RBM6: variants seen among roughly 807,000 people sequenced by gnomAD.
RBM6 encodes the protein RNA-binding protein 6.
RBM6 carries 23 observed loss-of-function variants against 140.4 expected under a neutral mutation model. The ratio of observed to expected loss-of-function variants is 0.16; its 90% CI spans 0.12 to 0.23. RBM6 has a LOEUF of 0.23. RBM6 is among the 10% of genes least tolerant of loss of function. RBM6 has a pLI of 1.00. For missense variants in RBM6, 1,139 were observed against 1,386.7 expected (o/e 0.82, Z 2.84); for synonymous variants, 439 against 475.6 (o/e 0.92, Z 1.00).
At chr3:49,989,086 A>C (rs1391588734) in intron 5 of RBM6, among the ~76,000 whole-genome samples, 1 of 152,124 alleles carries the variant, frequency 6.6e-6, no homozygotes, top group African/African-American at 2.4e-5. Flanking sequence ...GTGACAGGGT[A>C]GGAAAATCAT....
chr3:50,021,035 A>C (rs574066600), intron 6 of RBM6, among the ~76,000 whole-genome samples: 1 of 152,096 alleles, frequency 6.6e-6, no homozygotes, highest in African/African-American at 2.4e-5. Context: ...ACTGTTACTG[A>C]CTTCTAGTTT....
At chr3:49,966,200 T>C (rs899030524) in intron 2 of RBM6, among the ~76,000 whole-genome samples, 14 of 152,174 alleles carry the variant, frequency 9.2e-5, no homozygotes, top group African/African-American at 3.4e-4. Context: ...CCAGAATCAG[T>C]TGTCCTTTGA....
Position 50,049,102 on chromosome 3 carries a change from G to GTTTA in RBM6, c.1632+803_1632+806dup, listed in dbSNP as rs749733257. On this transcript the variant is annotated intron_variant, in intron 7 of 20. Coordinates refer to ENST00000266022, the MANE Select transcript of RBM6 (RefSeq NM_005777.3). ...TAGGCATGAGCCACCGCGCTGGCCT[G>GTTTA]TTTATTTATTTATTTATTTATTTTG... Among the ~76,000 whole-genome samples the GTTTA allele has an allele frequency of 4.0e-4, 60 of 151,210 alleles. 1 individual carries two copies. Among genetic ancestry groups the GTTTA allele is most frequent in the Non-Finnish European group, 5.8e-4 (39 of 67,686 alleles).
At chr3:50,047,630 C>G (rs1016947322) in intron 6 of RBM6, among the ~76,000 whole-genome samples, 1 of 152,104 alleles carries the variant, frequency 6.6e-6, no homozygotes, top group South Asian at 2.1e-4. Context: ...CCGCCGCCGC[C>G]GCTGTTGCTC....
intron 6 of RBM6, among the ~76,000 whole-genome samples, chr3:50,020,504 A>G (rs1225134541): frequency 1.3e-5 from 2 of 152,208 alleles, no homozygotes; most frequent in Non-Finnish European, 2.9e-5. Flanking sequence ...ATTCAGTGCT[A>G]TAAATTTCCC....
chr3:50,058,055 T>C lies in RBM6; in HGVS notation c.1969+52T>C, dbSNP rs4688687. 3,074 of 1,577,314 alleles carry C rather than the reference T, an allele frequency of 1.9e-3. 106 individuals carry two copies. In the Admixed American group the frequency reaches 0.051, roughly 26 times the overall value. ...AGACTGTGATCATCACAATGGAGCA[T>C]AGATGGCCAATGTTATGTCCGGGAG... is the stretch of plus-strand genomic sequence containing the variant. On this transcript the variant is annotated intron_variant, in intron 9 of 20. Coordinates refer to ENST00000266022, the MANE Select transcript of RBM6 (RefSeq NM_005777.3).
chr3:49,969,558 T>G (rs1158631262), intron 3 of RBM6, among the ~76,000 whole-genome samples: 1 of 150,440 alleles, frequency 6.6e-6, no homozygotes, highest in Non-Finnish European at 1.5e-5. Context: ...CCTGCTTCAC[T>G]TTCCATTTGT....
intron 6 of RBM6, among the ~76,000 whole-genome samples, 199 bp from the exon 7 acceptor site, chr3:50,048,046 C>T (rs971462288): frequency 1.3e-5 from 2 of 152,182 alleles, no homozygotes; most frequent in East Asian, 3.9e-4. Flanking sequence ...TCTCGTACTC[C>T]CCTTTCCTAA....
Position 49,968,302 on chromosome 3 carries a change from T to C in RBM6, c.877T>C (p.Leu293=). 6.2e-7 allele frequency: 1 copy of C among 1,614,100 alleles called. No homozygotes were observed. The highest frequency in any genetic ancestry group is 8.5e-7 in the Non-Finnish European group (1 of 1,180,012). The change falls in exon 3 of 21, where the codon TTG becomes CTG. Residue 293 remains leucine, a synonymous_variant. Coordinates refer to ENST00000266022, the MANE Select transcript of RBM6 (RefSeq NM_005777.3). The part of the protein sequence containing the change: ...REMPPVDPNI[L]DYIQPSTQDR... ...GATGCCCCCTGTGGATCCAAATATTTTGGATTACATTCAGCCCTCTACACA... is the reference window on the plus strand; with the variant it reads ...GATGCCCCCTGTGGATCCAAATATTCTGGATTACATTCAGCCCTCTACACA...
intron 5 of RBM6, among the ~76,000 whole-genome samples, chr3:49,998,566 A>G (rs939531452): frequency 3.9e-5 from 6 of 152,222 alleles, no homozygotes; most frequent in African/African-American, 1.4e-4. Context: ...TCAGCAACCT[A>G]TAAATCCCAG....
At position 50,070,499 on chromosome 3, in the gene RBM6, G is replaced by T. The variant is rs201436000; in HGVS notation, c.3063G>T (p.Gln1021His). The change falls in exon 19 of 21, where the codon CAG becomes CAT. Residue 1021 changes from glutamine (Q) to histidine (H), a missense_variant. Transcript: ENST00000266022. ...GAAATGATCGCAGGGAAAAGCTCCA[G>T]TCTTTTGACTCTCCAGAAAGGAAAC... The part of the protein sequence containing the change: ...GRGNDRREKL[Q>H]SFDSPERKRI... 1.1e-5 allele frequency: 18 copies of T among 1,614,156 alleles called. No homozygotes were observed. The East Asian group carries it at 4.0e-4, about 36-fold the overall frequency.
At position 49,973,404 on chromosome 3, in the gene RBM6, G is replaced by A. The variant is rs116547605; in HGVS notation, c.1413+1256G>A. Among the ~76,000 whole-genome samples, 1,084 of 152,174 alleles carry A rather than the reference G, an allele frequency of 7.1e-3. 15 individuals are homozygous for A. The highest frequency in any genetic ancestry group is 0.025 in the African/African-American group (1,033 of 41,516). On this transcript the variant is annotated intron_variant, in intron 4 of 20. Transcript: ENST00000266022. ...GAATATGGGGAAATGAACTGCCCAG[G>A]CAGTTCATGCTGAGGAAGTGCTGTG...
chr3:50,052,128 A>C (rs1337577466), intron 7 of RBM6, among the ~76,000 whole-genome samples: 1 of 152,170 alleles, frequency 6.6e-6, no homozygotes, highest in African/African-American at 2.4e-5. Context: ...GCAGTGGCAC[A>C]ATCTCGGCTC....
At chr3:50,048,478 C>G (rs2089318740) in intron 7 of RBM6, among the ~76,000 whole-genome samples, 159 bp downstream of exon 7, 1 of 152,210 alleles carries the variant, frequency 6.6e-6, no homozygotes, top group Non-Finnish European at 1.5e-5. Context: ...CAAGGTCATT[C>G]ATAATTTCTC....
chr3:50,070,396 C>A, intron 18 of RBM6, 59 bp from the exon 19 acceptor site: 1 of 1,211,970 alleles, frequency 8.3e-7, no homozygotes, highest in Non-Finnish European at 1.2e-6. Context: ...GGTAGAATTT[C>A]CCCACTCCCC....
intron 1 of RBM6, among the ~76,000 whole-genome samples, chr3:49,942,179 T>C (rs1185540258): frequency 6.6e-6 from 1 of 151,978 alleles, no homozygotes; most frequent in Non-Finnish European, 1.5e-5. Context: ...CAAAATTTGC[T>C]CTTTAAACCA....
chr3:50,040,445 C>CA (rs1163542465), intron 6 of RBM6, among the ~76,000 whole-genome samples: 14 of 67,658 alleles, frequency 2.1e-4, no homozygotes, highest in Admixed American at 6.3e-4. Context: ...GGCTCCTTCT[C>CA]AAAAAAAAAA....
chr3:50,006,383 G>A (rs910859024), intron 6 of RBM6, among the ~76,000 whole-genome samples: 63 of 151,958 alleles, frequency 4.1e-4, no homozygotes, highest in African/African-American at 1.4e-3. Flanking sequence ...TGATCCGCCC[G>A]CCTCGGCCTC....
chr3:50,060,194 G>A (rs1048867264), intron 11 of RBM6, among the ~76,000 whole-genome samples: 1 of 152,176 alleles, frequency 6.6e-6, no homozygotes, highest in Non-Finnish European at 1.5e-5. Flanking sequence ...TTTTGGATGT[G>A]CAGACACATG....
Sources: gnomAD v4.1 joint callset for allele counts (sites outside exome capture counted in the v4.1 genomes callset) on GRCh38, gnomAD v4.1.1 for gene constraint, MANE v1.5 for transcripts, NCBI Gene and HGNC (gene_info 2026-07-23, HGNC 2026-07-21) for gene names.